Variants in MXD1 observed in about 807,000 individuals in gnomAD.
The protein encoded by MXD1 is MAX-binding protein.
Under a neutral mutation model 25.7 loss-of-function variants are expected in MXD1, and 9 were observed. That is an observed-to-expected ratio of 0.35 (90% CI 0.21 to 0.61). MXD1 has a LOEUF of 0.61. Ranked by LOEUF, MXD1 falls within the 20% of genes least tolerant of loss-of-function variation. MXD1 has a pLI of 0.75. For synonymous variants in MXD1, 99 were observed against 113.9 expected, an observed-to-expected ratio of 0.87 and a Z score of 0.83; for missense variants, 227 against 292.4, an observed-to-expected ratio of 0.78 and a Z score of 1.63.
chr2:69,936,946 C>G, intron 4 of MXD1: 1 of 545,252 alleles, frequency 1.8e-6, no homozygotes, highest in South Asian at 1.5e-5. Context: ...TGCCTGCAGT[C>G]TTTCTGATAC....
rs1198332273 is a variant in MXD1 at position 69,920,060 on chromosome 2, G to T, written c.174-1676G>T. On this transcript the variant is annotated intron_variant, in intron 2 of 5. Coordinates refer to ENST00000264444, the MANE Select transcript of MXD1 (RefSeq NM_002357.4). ...GGAGTCTCCCTCTGTCGCTAGGCTG[G>T]AGTGCAGTGGCACGATCTCAGCTCA... 2.0e-5 allele frequency among the ~76,000 whole-genome samples: 3 copies of T among 152,112 alleles called. No homozygotes were observed. In the East Asian group the frequency reaches 5.8e-4, roughly 30 times the overall value.
In MXD1 at chr2:69,929,360, A is replaced by T. The variant is rs1040176974; in HGVS notation, c.204-5991A>T. ...ATATTTAATGCAGGAGGCACTATCT[A>T]CAGATAGCACCATCTACCTAATAAT... On this transcript the variant is annotated intron_variant, in intron 3 of 5. Transcript: ENST00000264444. 5.9e-5 allele frequency among the ~76,000 whole-genome samples: 9 copies of T among 152,368 alleles called. No homozygotes were observed. The South Asian group carries it at 1.9e-3, about 32-fold the overall frequency.
At chr2:69,930,176 C>A (rs775472365) in intron 3 of MXD1, among the ~76,000 whole-genome samples, 1 of 152,122 alleles carries the variant, frequency 6.6e-6, no homozygotes, top group Non-Finnish European at 1.5e-5. Flanking sequence ...TGTCTTTCAA[C>A]AAAGTTTTAT....
At chr2:69,927,604 C>T (rs1280816134) in intron 3 of MXD1, among the ~76,000 whole-genome samples, 1 of 152,060 alleles carries the variant, frequency 6.6e-6, no homozygotes, top group African/African-American at 2.4e-5. Context: ...TACTTTTTGT[C>T]ATAGGCATTA....
chr2:69,939,686 G>A lies in MXD1; in HGVS notation c.*1402G>A, dbSNP rs2104221153. ...GGTCTTGATGTTTTCAGCCTCTGGCGAATCTTTTTCATTGAATTTGAACCA... is the reference window on the plus strand; with the variant it reads ...GGTCTTGATGTTTTCAGCCTCTGGCAAATCTTTTTCATTGAATTTGAACCA... On this transcript the variant is annotated 3_prime_UTR_variant, in exon 6 of 6. Coordinates refer to ENST00000264444, the MANE Select transcript of MXD1 (RefSeq NM_002357.4). The A allele has an allele frequency of 6.6e-6, 1 of 152,526 alleles. No individual in the cohort carries two copies. Among genetic ancestry groups the A allele is most frequent in the East Asian group, 1.9e-4 (1 of 5,202 alleles). 9.4% of individuals were successfully genotyped at this position (152,526 alleles called of 1,614,324 possible).
In MXD1 at chr2:69,915,443, G is replaced by T; in HGVS notation, c.73+40G>T. 8.0e-7 allele frequency: 1 copy of T among 1,256,650 alleles called. No homozygotes were observed. Among genetic ancestry groups the T allele is most frequent in the Non-Finnish European group, 1.0e-6 (1 of 989,792 alleles). 77.8% of individuals were successfully genotyped at this position (1,256,650 alleles called of 1,614,324 possible). On this transcript the variant is annotated intron_variant, in intron 1 of 5. Coordinates refer to ENST00000264444, the MANE Select transcript of MXD1 (RefSeq NM_002357.4). The surrounding 1 kb of genome is among the most constrained non-coding windows in gnomAD (Gnocchi z 5.8). ...GGAGGGGTCCACTCGAAACGAGGCC[G>T]GGGGTCCTGTGGGGCCGGCCTCAGG...
chr2:69,929,493 A>G (rs541049828), intron 3 of MXD1, among the ~76,000 whole-genome samples: 6 of 152,264 alleles, frequency 3.9e-5, no homozygotes, highest in African/African-American at 1.4e-4. Context: ...GAAGAGCTAC[A>G]GTCAGAATTG....
At chr2:69,922,508 C>T (rs1293485237) in intron 3 of MXD1, among the ~76,000 whole-genome samples, 1 of 152,178 alleles carries the variant, frequency 6.6e-6, no homozygotes, top group Admixed American at 6.5e-5. Context: ...TACACATACA[C>T]TTGTATATTT....
chr2:69,935,829 T>C (rs1677419622), intron 4 of MXD1, among the ~76,000 whole-genome samples: 1 of 152,190 alleles, frequency 6.6e-6, no homozygotes, highest in African/African-American at 2.4e-5. Flanking sequence ...GAGGTCTCCC[T>C]ATATCCCTCT....
chr2:69,918,782 A>C (rs997840931), intron 2 of MXD1, among the ~76,000 whole-genome samples: 1 of 152,132 alleles, frequency 6.6e-6, no homozygotes, highest in Non-Finnish European at 1.5e-5. Context: ...TTCCAGAGTT[A>C]TCCATTGTTT....
chr2:69,922,754 C>G (rs1014657156), intron 3 of MXD1, among the ~76,000 whole-genome samples: 1 of 151,992 alleles, frequency 6.6e-6, no homozygotes, highest in Non-Finnish European at 1.5e-5. Context: ...GTGGCACGTG[C>G]CTGTAATCCC....
At position 69,941,188 on chromosome 2, in the gene MXD1, A is replaced by G. The variant is rs1333162226; in HGVS notation, c.*2904A>G. The G allele has an allele frequency of 3.9e-5, 6 of 152,380 alleles. No homozygotes were observed. Among genetic ancestry groups the G allele is most frequent in the East Asian group, 1.9e-4 (1 of 5,192 alleles). The allele number at this position is 152,380 out of a possible 1,614,324, so 9.4% of individuals were successfully genotyped here. On this transcript the variant is annotated 3_prime_UTR_variant, in exon 6 of 6. Coordinates refer to ENST00000264444, the MANE Select transcript of MXD1 (RefSeq NM_002357.4). ...AAACTGCACTCTTATTGATACCATCATAACGCAAGTGGGAAAAATAAGAGT... is the reference window on the plus strand; with the variant it reads ...AAACTGCACTCTTATTGATACCATCGTAACGCAAGTGGGAAAAATAAGAGT...
chr2:69,934,076 T>C (rs1677363460), intron 3 of MXD1, among the ~76,000 whole-genome samples: 1 of 152,218 alleles, frequency 6.6e-6, no homozygotes, highest in Non-Finnish European at 1.5e-5. Flanking sequence ...TTATTAAGCA[T>C]GTGTGTGTTT....
At chr2:69,933,200 C>CAAAAAAAAAAAAAAAA (rs59201689) in intron 3 of MXD1, among the ~76,000 whole-genome samples, 4 of 80,144 alleles carry the variant, frequency 5.0e-5, no homozygotes, top group Admixed American at 1.7e-4. Flanking sequence ...AACTCTGTCT[C>CAAAAAAAAAAAAAAAA]AAAAAAAAAA....
In MXD1 at chr2:69,942,715, CAG is replaced by C. The variant is rs1355776995; in HGVS notation, c.*4432_*4433del. 2 of 152,196 alleles carry C rather than the reference CAG, an allele frequency of 1.3e-5. No homozygotes were observed. Among genetic ancestry groups the C allele is most frequent in the African/African-American group, 2.4e-5 (1 of 41,448 alleles). 9.4% of individuals were successfully genotyped at this position (152,196 alleles called of 1,614,324 possible). A position where few individuals can be genotyped will look rare whatever the true frequency, so the allele number is the denominator to read the frequency against. The stretch of plus-strand genomic sequence containing the variant: ...CTTCCTAATGCTACACACAGCCTGA[CAG>C]GGGAGCAGCAGATGAAAGGGTATGC... On this transcript the variant is annotated 3_prime_UTR_variant, in exon 6 of 6. Coordinates refer to ENST00000264444, the MANE Select transcript of MXD1 (RefSeq NM_002357.4).
In MXD1 at chr2:69,942,789, A is replaced by G. The variant is rs1219584727; in HGVS notation, c.*4505A>G. ...TTTATGTAAATATGACGCCAATGTA[A>G]ATCCTGTGTCAAGATCATAGAGAAT... On this transcript the variant is annotated 3_prime_UTR_variant, in exon 6 of 6. Transcript: ENST00000264444. 6.6e-6 allele frequency: 1 copy of G among 152,228 alleles called. No homozygotes were observed. Among genetic ancestry groups the G allele is most frequent in the Non-Finnish European group, 1.5e-5 (1 of 68,036 alleles). The allele number at this position is 152,228 out of a possible 1,614,324, so 9.4% of individuals were successfully genotyped here.
At chr2:69,929,042 T>C (rs896410683) in intron 3 of MXD1, among the ~76,000 whole-genome samples, 5 of 152,130 alleles carry the variant, frequency 3.3e-5, no homozygotes, top group Non-Finnish European at 7.4e-5. Context: ...TACAGATGTG[T>C]GCCACCGCAC....
chr2:69,935,005 A>C (rs1227816153), intron 3 of MXD1, among the ~76,000 whole-genome samples: 1 of 152,220 alleles, frequency 6.6e-6, no homozygotes, highest in Non-Finnish European at 1.5e-5. Flanking sequence ...TACTTCAATA[A>C]ACTCATTATA....
chr2:69,923,555 G>GT lies in MXD1; in HGVS notation c.203+1792dup, dbSNP rs201488728. Among the ~76,000 whole-genome samples, 1,041 of 151,234 alleles carry GT rather than the reference G, an allele frequency of 6.9e-3. 13 individuals are homozygous for GT. Among genetic ancestry groups the GT allele is most frequent in the African/African-American group, 0.024 (1,000 of 40,948 alleles). On this transcript the variant is annotated intron_variant, in intron 3 of 5. Coordinates refer to ENST00000264444, the MANE Select transcript of MXD1 (RefSeq NM_002357.4). Reference sequence around the variant, plus strand: ...GCAGGTAGAATCTGGGAAGAGGGCGGTTAGCTTTACTCCACTATGGAATTT... The same window carrying GT: ...GCAGGTAGAATCTGGGAAGAGGGCGGTTTAGCTTTACTCCACTATGGAATTT...
Sources: allele counts gnomAD v4.1 joint callset (sites outside exome capture counted in the v4.1 genomes callset), GRCh38; gene constraint gnomAD v4.1.1; non-coding constraint Gnocchi (gnomAD v3.1); transcripts MANE v1.5; gene names NCBI Gene and HGNC (gene_info 2026-07-23, HGNC 2026-07-21).